The following LRRC4C variants were observed in gnomAD, a reference collection of about 807,000 sequenced individuals.
LRRC4C encodes the protein leucine rich repeat containing 4C.
LRRC4C carries 5 observed loss-of-function variants against 33.6 expected under a neutral mutation model. The observed-to-expected ratio is 0.15, with a 90% confidence interval of 0.08 to 0.31. The LOEUF (loss-of-function observed/expected upper bound fraction) is 0.31. Ranked by LOEUF, LRRC4C falls within the 10% of genes least tolerant of loss-of-function variation. LRRC4C has a pLI of 1.00. For missense variants in LRRC4C, 560 were observed against 796.7 expected (o/e 0.70, Z 3.58); for synonymous variants, 329 against 302.0 (o/e 1.09, Z -0.93).
intron 5 of LRRC4C, among the ~76,000 whole-genome samples, chr11:40,238,524 T>A (rs1180247107): frequency 6.6e-6 from 1 of 152,156 alleles, no homozygotes; most frequent in East Asian, 1.9e-4. Context: ...AATCATTTTT[T>A]AAAAAATGGC....
At position 40,789,890 on chromosome 11, in the gene LRRC4C, A is replaced by G. The variant is rs898994286; in HGVS notation, c.-406-141612T>C. ...AGGCCATATTAGCACAGATGTGGGA[A>G]GTATTAAACAAATGGCAACAGAAGA... On this transcript the variant is annotated intron_variant, in intron 2 of 6. Coordinates refer to ENST00000528697, the MANE Select transcript of LRRC4C (RefSeq NM_001258419.2). Among the ~76,000 whole-genome samples, 3 of 152,218 alleles carry G rather than the reference A, an allele frequency of 2.0e-5. 1 individual carries two copies. The highest frequency in any genetic ancestry group is 2.0e-4 in the Admixed American group (3 of 15,282).
intron 4 of LRRC4C, among the ~76,000 whole-genome samples, chr11:40,310,626 G>A (rs544047456): frequency 5.8e-4 from 88 of 152,212 alleles, no homozygotes; most frequent in Middle Eastern, 3.4e-3. Context: ...GTACTATGTG[G>A]CAGATACTGT....
chr11:41,400,109 A>T (rs1393185617), intron 1 of LRRC4C, among the ~76,000 whole-genome samples: 1 of 151,968 alleles, frequency 6.6e-6, no homozygotes, highest in African/African-American at 2.4e-5. Context: ...GCTCTCAGGA[A>T]ACATCTAATC....
Position 40,246,474 on chromosome 11 carries a change from C to T in LRRC4C, c.-175-4876G>A, listed in dbSNP as rs533675871. On this transcript the variant is annotated intron_variant, in intron 4 of 6. Coordinates refer to ENST00000528697, the MANE Select transcript of LRRC4C (RefSeq NM_001258419.2). ...AACATGGCATTTCATTTAGATGCTT[C>T]TTTGAGGTGACATACATGATAGATT... Among the ~76,000 whole-genome samples, 6 of 152,254 alleles carry T rather than the reference C, an allele frequency of 3.9e-5. No homozygotes were observed. The South Asian group carries it at 1.0e-3, about 26-fold the overall frequency.
At chr11:41,401,158 T>G (rs1954011055) in intron 1 of LRRC4C, among the ~76,000 whole-genome samples, 1 of 151,956 alleles carries the variant, frequency 6.6e-6, no homozygotes, top group Non-Finnish European at 1.5e-5. Flanking sequence ...GAGGAAATTT[T>G]GTATAAGGAT....
At chr11:40,513,389 A>G (rs2135157727) in intron 3 of LRRC4C, among the ~76,000 whole-genome samples, 1 of 152,330 alleles carries the variant, frequency 6.6e-6, no homozygotes, top group South Asian at 2.1e-4. Flanking sequence ...CCTGAAGGAT[A>G]GATGAGAATA....
At chr11:41,377,172 A>G (rs1294766618) in intron 1 of LRRC4C, among the ~76,000 whole-genome samples, 1 of 152,184 alleles carries the variant, frequency 6.6e-6, no homozygotes, top group East Asian at 1.9e-4. Context: ...TTTATCTTCA[A>G]TTGTCCTCCC....
intron 6 of LRRC4C, among the ~76,000 whole-genome samples, chr11:40,127,175 G>A (rs1856309086): frequency 6.6e-6 from 1 of 152,058 alleles, no homozygotes; most frequent in Admixed American, 6.6e-5. Context: ...TACTCCGGAG[G>A]CTGAGGCAGG....
intron 1 of LRRC4C, among the ~76,000 whole-genome samples, chr11:41,327,253 A>C (rs1173986914): frequency 6.6e-6 from 1 of 152,124 alleles, no homozygotes; most frequent in Non-Finnish European, 1.5e-5. Context: ...TTCCAATTAC[A>C]ATGTAGTTGG....
At chr11:41,303,135 C>T (rs1483522781) in intron 1 of LRRC4C, among the ~76,000 whole-genome samples, 1 of 144,770 alleles carries the variant, frequency 6.9e-6, no homozygotes, top group African/African-American at 2.5e-5. Context: ...CCACGGTCTC[C>T]CTCTCATGCG....
chr11:41,238,054 C>T (rs1366355096), intron 1 of LRRC4C, among the ~76,000 whole-genome samples: 1 of 152,132 alleles, frequency 6.6e-6, no homozygotes, highest in Non-Finnish European at 1.5e-5. Flanking sequence ...TTTTCCTAAA[C>T]AAATTCCCAC....
chr11:40,633,280 G>C (rs899691797), intron 3 of LRRC4C, among the ~76,000 whole-genome samples: 1 of 150,016 alleles, frequency 6.7e-6, no homozygotes, highest in African/African-American at 2.5e-5. Flanking sequence ...CATGGGCTTT[G>C]CAATAACAGG....
chr11:40,406,183 G>A (rs1949957936), intron 3 of LRRC4C, among the ~76,000 whole-genome samples: 1 of 152,062 alleles, frequency 6.6e-6, no homozygotes, highest in African/African-American at 2.4e-5. Flanking sequence ...CCTTTAAAGT[G>A]AATATTTCCT....
intron 2 of LRRC4C, among the ~76,000 whole-genome samples, chr11:40,676,877 C>T (rs549759176): frequency 5.9e-5 from 9 of 152,146 alleles, no homozygotes; most frequent in East Asian, 1.9e-4. Context: ...TCTCGGGTAT[C>T]GCTCCACAGA....
intron 3 of LRRC4C, among the ~76,000 whole-genome samples, chr11:40,466,875 T>G (rs1177003854): frequency 6.6e-6 from 1 of 152,114 alleles, no homozygotes; most frequent in African/African-American, 2.4e-5. Flanking sequence ...CATTTCAGTT[T>G]AAACCACAAT....
At chr11:40,878,758 C>T (rs1209291176) in intron 2 of LRRC4C, among the ~76,000 whole-genome samples, 4 of 152,140 alleles carry the variant, frequency 2.6e-5, no homozygotes, top group Non-Finnish European at 5.9e-5. Flanking sequence ...TATGTTATAT[C>T]AGATTATTAG....
chr11:41,145,697 T>C (rs1943701593), intron 1 of LRRC4C, among the ~76,000 whole-genome samples: 1 of 152,126 alleles, frequency 6.6e-6, no homozygotes, highest in Non-Finnish European at 1.5e-5. Flanking sequence ...TGAATATAAA[T>C]ACAGTGCCAG....
chr11:40,192,422 C>T (rs567270468), intron 5 of LRRC4C, among the ~76,000 whole-genome samples: 3 of 152,316 alleles, frequency 2.0e-5, no homozygotes, highest in East Asian at 3.9e-4. Flanking sequence ...CTATTTAGCC[C>T]AGATACCATG....
intron 3 of LRRC4C, among the ~76,000 whole-genome samples, chr11:40,493,259 G>A (rs549379703): frequency 1.3e-5 from 2 of 152,114 alleles, no homozygotes; most frequent in Non-Finnish European, 2.9e-5. Context: ...ATAAAAATGT[G>A]TATAGGCTTG....
Sources: allele counts gnomAD v4.1 joint callset (sites outside exome capture counted in the v4.1 genomes callset), GRCh38; gene constraint gnomAD v4.1.1; transcripts MANE v1.5; gene names NCBI Gene and HGNC (gene_info 2026-07-23, HGNC 2026-07-21).